Variants in SBF2 observed in about 807,000 individuals in gnomAD.
SBF2 encodes the protein SET binding factor 2.
SBF2 carries 112 observed loss-of-function variants against 225.2 expected under a neutral mutation model. The ratio of observed to expected loss-of-function variants is 0.50; its 90% confidence interval spans 0.43 to 0.58. SBF2 has a LOEUF of 0.58. SBF2 is among the 20% of genes least tolerant of loss of function. The pLI, the probability that SBF2 is intolerant of heterozygous loss-of-function variation, is 0.00. For synonymous variants in SBF2, 763 were observed against 773.3 expected, an observed-to-expected ratio of 0.99 and a Z score of 0.22; for missense variants, 1,996 against 2,206.2, an observed-to-expected ratio of 0.90 and a Z score of 1.91.
At chr11:9,866,961 G>C (rs1858276390) in intron 17 of SBF2, among the ~76,000 whole-genome samples, 1 of 152,096 alleles carries the variant, frequency 6.6e-6, no homozygotes, top group Admixed American at 6.6e-5. Flanking sequence ...TGGTCGACAG[G>C]CATATTAAAA....
At chr11:9,895,808 A>G (rs1388087420) in intron 17 of SBF2, 135 bp downstream of exon 17, 2 of 719,572 alleles carry the variant, frequency 2.8e-6, no homozygotes, top group African/African-American at 3.5e-5. Flanking sequence ...AATAAATGTT[A>G]TAATAAATAT....
chr11:10,290,150 TCTC>T (rs1461528176), intron 1 of SBF2, among the ~76,000 whole-genome samples: 1 of 152,116 alleles, frequency 6.6e-6, no homozygotes, highest in Non-Finnish European at 1.5e-5. Flanking sequence ...TAATCTTCCT[TCTC>T]CTTCCCTTTT....
At chr11:10,057,887 T>C (rs10840353) in intron 2 of SBF2, among the ~76,000 whole-genome samples, 69,940 of 151,900 alleles carry the variant, frequency 0.46, 16,511 homozygotes, top group Admixed American at 0.56. Flanking sequence ...CCCAAAGCCT[T>C]AACACCAAAA....
At chr11:10,149,208 C>G (rs1206819270) in intron 2 of SBF2, 1 of 152,340 alleles carries the variant, frequency 6.6e-6, no homozygotes, top group Non-Finnish European at 1.5e-5. Flanking sequence ...GGTGGCTACT[C>G]TGACTTTTCA....
intron 29 of SBF2, among the ~76,000 whole-genome samples, chr11:9,815,914 A>AG (rs1854431957): frequency 6.6e-6 from 1 of 152,208 alleles, no homozygotes; most frequent in Non-Finnish European, 1.5e-5. Context: ...CAAAGCCACT[A>AG]GCCTGCTCCA....
intron 2 of SBF2, among the ~76,000 whole-genome samples, chr11:10,110,907 C>T (rs1952808285): frequency 6.6e-6 from 1 of 152,120 alleles, no homozygotes; most frequent in Admixed American, 6.5e-5. Flanking sequence ...TATAACGATA[C>T]TTATTTTATA....
chr11:10,240,823 CCAAT>C (rs1463885901), intron 1 of SBF2, among the ~76,000 whole-genome samples: 1 of 151,914 alleles, frequency 6.6e-6, no homozygotes, highest in Non-Finnish European at 1.5e-5. Flanking sequence ...TTTTATGACT[CCAAT>C]CAATAAAAGT....
intron 16 of SBF2, among the ~76,000 whole-genome samples, chr11:9,899,064 A>AG (rs992487614): frequency 2.7e-5 from 4 of 148,830 alleles, no homozygotes; most frequent in Non-Finnish European, 1.5e-5. Context: ...TTAAAAAAAA[A>AG]ACAACAACAA....
At chr11:9,959,072 T>A in intron 16 of SBF2, 1 of 1,510,238 alleles carries the variant, frequency 6.6e-7, no homozygotes. Flanking sequence ...CCATTCCAGT[T>A]CCCAGGAATG....
At chr11:10,063,858 C>CAGAGAGAGAGAGAGAGAGAGAGAGAG (rs1555006975) in intron 2 of SBF2, among the ~76,000 whole-genome samples, 1 of 136,172 alleles carries the variant, frequency 7.3e-6, no homozygotes, top group Non-Finnish European at 1.6e-5. Flanking sequence ...CACACACACA[C>CAGAGAGAGAGAGAGAGAGAGAGAGAG]AGAGAGAGAG....
At chr11:10,153,240 T>C (rs1955304832) in intron 2 of SBF2, among the ~76,000 whole-genome samples, 1 of 152,098 alleles carries the variant, frequency 6.6e-6, no homozygotes, top group South Asian at 2.1e-4. Flanking sequence ...AGAAGAAAGA[T>C]AATGAGAGCC....
chr11:10,103,869 C>T (rs555295233), intron 2 of SBF2, among the ~76,000 whole-genome samples: 3 of 152,060 alleles, frequency 2.0e-5, no homozygotes, highest in South Asian at 2.1e-4. Context: ...CTGCTTGAGC[C>T]GAGATAGCTG....
At chr11:10,290,146 T>A (rs748762844) in intron 1 of SBF2, among the ~76,000 whole-genome samples, 24 of 152,148 alleles carry the variant, frequency 1.6e-4, no homozygotes, top group Non-Finnish European at 7.4e-5. Context: ...AAATTAATCT[T>A]CCTTCTCCTT....
At chr11:10,030,741 T>C (rs1949221285) in intron 4 of SBF2, among the ~76,000 whole-genome samples, 1 of 152,216 alleles carries the variant, frequency 6.6e-6, no homozygotes, top group African/African-American at 2.4e-5. Flanking sequence ...AAATCACTCA[T>C]GCATTTACAT....
chr11:10,175,272 A>T (rs1956406509), intron 2 of SBF2, among the ~76,000 whole-genome samples: 2 of 151,650 alleles, frequency 1.3e-5, no homozygotes, highest in African/African-American at 4.9e-5. Context: ...AACCCATCTC[A>T]CGTGCAGAGA....
At chr11:9,784,093 T>C (rs1852209297) in intron 38 of SBF2, among the ~76,000 whole-genome samples, 1 of 152,130 alleles carries the variant, frequency 6.6e-6, no homozygotes. Flanking sequence ...AGAGTTCTAT[T>C]GCTCTATGCT....
Position 9,975,127 on chromosome 11 carries a change from A to G in SBF2, c.1396-6582T>C, listed in dbSNP as rs1487052197. Among the ~76,000 whole-genome samples, 3 of 152,278 alleles carry G rather than the reference A, an allele frequency of 2.0e-5. No individual in the cohort carries two copies. The South Asian group carries it at 6.2e-4, about 32-fold the overall frequency. ...TTGGCAGTTTCCTATACAGTTAAAT[A>G]TTGTATTACCATATATTCCAGCCTC... On this transcript the variant is annotated intron_variant, in intron 13 of 39. Transcript: ENST00000256190.
intron 1 of SBF2, among the ~76,000 whole-genome samples, chr11:10,278,788 TAAAAA>T (rs11370521): frequency 8.0e-6 from 1 of 125,006 alleles, no homozygotes; most frequent in Admixed American, 8.0e-5. Flanking sequence ...TCCATCTCAA[TAAAAA>T]AAAAAAAAAA....
intron 1 of SBF2, among the ~76,000 whole-genome samples, chr11:10,216,741 G>T (rs1381856093): frequency 1.3e-5 from 2 of 152,100 alleles, no homozygotes; most frequent in African/African-American, 4.8e-5. Context: ...GTGGTGGCGG[G>T]CCCCTGTAAT....
Sources: allele counts gnomAD v4.1 joint callset (sites outside exome capture counted in the v4.1 genomes callset), GRCh38; gene constraint gnomAD v4.1.1; transcripts MANE v1.5; gene names NCBI Gene and HGNC (gene_info 2026-07-23, HGNC 2026-07-21).